The following FOXK1 variants were observed in gnomAD, a reference collection of about 807,000 sequenced individuals.
The protein encoded by FOXK1 is forkhead box K1, also known as forkhead box protein K1.
A neutral mutation model predicts 51.9 loss-of-function variants in FOXK1; 19 were observed. That is an observed-to-expected ratio of 0.37 (90% CI 0.26 to 0.54). The LOEUF (loss-of-function observed/expected upper bound fraction) is 0.54, where lower values mean the gene tolerates loss of function less well. Ranked by LOEUF, FOXK1 falls within the 20% of genes least tolerant of loss-of-function variation. The probability of loss-of-function intolerance (pLI) is 0.87; values close to 1 mark genes in which losing one functional copy is unlikely to be tolerated. For missense variants in FOXK1, 870 were observed against 1,032.7 expected, an observed-to-expected ratio of 0.84 and a Z score of 2.16; for synonymous variants, 537 against 482.6, an observed-to-expected ratio of 1.11 and a Z score of -1.48.
Position 4,730,377 on chromosome 7 carries a change from T to C in FOXK1, c.561-10461T>C, listed in dbSNP as rs1780434631. On this transcript the variant is annotated intron_variant, in intron 1 of 8. Transcript: ENST00000328914. The surrounding 1 kb of genome is among the most constrained non-coding windows in gnomAD (Gnocchi z 4.7). ...ACCCTGCTACCCAGCTTGCCACCGCTGTCAGCCGTGGGGTTCAGGAGAACA... is the reference window on the plus strand; with the variant it reads ...ACCCTGCTACCCAGCTTGCCACCGCCGTCAGCCGTGGGGTTCAGGAGAACA... Among the ~76,000 whole-genome samples the C allele has an allele frequency of 6.6e-6, 1 of 152,176 alleles. No homozygotes were observed. Among genetic ancestry groups the C allele is most frequent in the African/African-American group, 2.4e-5 (1 of 41,452 alleles).
intron 1 of FOXK1, among the ~76,000 whole-genome samples, chr7:4,695,735 G>A (rs755422806): frequency 3.9e-5 from 6 of 152,118 alleles, no homozygotes; most frequent in South Asian, 2.1e-4. Flanking sequence ...TCGGGAGTTC[G>A]AGACCAGCCT....
Position 4,764,370 on chromosome 7 carries a change from A to C in FOXK1, c.*1906A>C, listed in dbSNP as rs1358901989. Reference sequence around the variant, plus strand: ...TCCATGGGAAATAAGCTCTTTGTGGAAGTCCGTACCTGTTGCCCTGGGTGA... The same window carrying C: ...TCCATGGGAAATAAGCTCTTTGTGGCAGTCCGTACCTGTTGCCCTGGGTGA... On this transcript the variant is annotated 3_prime_UTR_variant, in exon 9 of 9. Transcript: ENST00000328914. 4 of 154,420 alleles carry C rather than the reference A, an allele frequency of 2.6e-5. No homozygotes were observed. In the East Asian group the frequency reaches 7.7e-4, roughly 30 times the overall value. The allele number at this position is 154,420 out of a possible 1,614,324, so 9.6% of individuals were successfully genotyped here.
At chr7:4,726,493 G>C (rs756423726) in intron 1 of FOXK1, among the ~76,000 whole-genome samples, 11 of 152,158 alleles carry the variant, frequency 7.2e-5, no homozygotes, top group Non-Finnish European at 1.2e-4. Context: ...ACAGTGGCAC[G>C]TGCCTGTAGT....
At position 4,730,512 on chromosome 7, in the gene FOXK1, C is replaced by T. The variant is rs1780436698; in HGVS notation, c.561-10326C>T. On this transcript the variant is annotated intron_variant, in intron 1 of 8. Transcript: ENST00000328914. The surrounding 1 kb of genome is among the most constrained non-coding windows in gnomAD (Gnocchi z 4.7). ...GGTTTGCAGGCACCAGTGCTGGTTCCGTGTCTGTCGGGGAGGGGATGGACG... is the reference window on the plus strand; with the variant it reads ...GGTTTGCAGGCACCAGTGCTGGTTCTGTGTCTGTCGGGGAGGGGATGGACG... Among the ~76,000 whole-genome samples the T allele has an allele frequency of 6.6e-6, 1 of 152,176 alleles. No individual in the cohort carries two copies. Among genetic ancestry groups the T allele is most frequent in the African/African-American group, 2.4e-5 (1 of 41,446 alleles).
intron 1 of FOXK1, among the ~76,000 whole-genome samples, chr7:4,736,388 T>C (rs991201573): frequency 6.6e-6 from 1 of 152,008 alleles, no homozygotes; most frequent in East Asian, 1.9e-4. Flanking sequence ...TCAATACATA[T>C]GTACATATCA....
intron 1 of FOXK1, among the ~76,000 whole-genome samples, chr7:4,687,974 C>T (rs180818841): frequency 6.6e-6 from 1 of 152,272 alleles, no homozygotes; most frequent in East Asian, 1.9e-4. Flanking sequence ...TCAAACGATC[C>T]TCCCACCTTG....
intron 1 of FOXK1, among the ~76,000 whole-genome samples, chr7:4,727,318 T>C (rs951560475): frequency 6.6e-6 from 1 of 152,100 alleles, no homozygotes; most frequent in African/African-American, 2.4e-5. Flanking sequence ...TTAAATTTTA[T>C]TTGTTTATTT....
Position 4,707,487 on chromosome 7 carries a change from G to A in FOXK1, c.560+24619G>A, listed in dbSNP as rs539276678. On this transcript the variant is annotated intron_variant, in intron 1 of 8. Transcript: ENST00000328914. The surrounding 1 kb of genome is among the most constrained non-coding windows in gnomAD (Gnocchi z 4.1). ...CCAGTTTCCCCAAATGGATAATTTC[G>A]CCTTGGTAGTGTTAAGATGTATTTA... is the stretch of plus-strand genomic sequence containing the variant. 5.3e-5 allele frequency among the ~76,000 whole-genome samples: 8 copies of A among 152,232 alleles called. No homozygotes were observed. In the East Asian group the frequency reaches 1.5e-3, roughly 29 times the overall value.
rs767379360 is a variant in FOXK1 at position 4,762,154 on chromosome 7, C to T, written c.1922-30C>T. 61 of 1,533,770 alleles carry T rather than the reference C, an allele frequency of 4.0e-5. No homozygotes were observed. The highest frequency in any genetic ancestry group is 5.3e-5 in the Non-Finnish European group (60 of 1,134,430). ...AAGCAGCTGGGTCCTAACCAGACCC[C>T]AGAGTAACCCTCTTCTTCCTCCACT... is the stretch of plus-strand genomic sequence containing the variant. On this transcript the variant is annotated intron_variant, in intron 8 of 8. Coordinates refer to ENST00000328914, the MANE Select transcript of FOXK1 (RefSeq NM_001037165.2). This position sits in a 1 kb window ranked among gnomAD's most constrained non-coding sequence, Gnocchi z 5.7.
intron 1 of FOXK1, among the ~76,000 whole-genome samples, chr7:4,685,244 G>A (rs954677856): frequency 1.2e-4 from 10 of 82,302 alleles, no homozygotes; most frequent in African/African-American, 4.3e-4. Context: ...TTTTTTTTCT[G>A]TCATGGAGTC....
rs1408316407 is a variant in FOXK1 at position 4,763,109 on chromosome 7, T to C, written c.*645T>C. ...AGACAGACACAAAAGGGATCATGTA[T>C]TTTTGAGGATTTTACCTGTTGACGT... On this transcript the variant is annotated 3_prime_UTR_variant, in exon 9 of 9. Transcript: ENST00000328914. The C allele has an allele frequency of 6.5e-6, 1 of 152,734 alleles. No homozygotes were observed. The highest frequency in any genetic ancestry group is 6.5e-5 in the Admixed American group (1 of 15,306). The allele number at this position is 152,734 out of a possible 1,614,324, so 9.5% of individuals were successfully genotyped here.
intron 1 of FOXK1, among the ~76,000 whole-genome samples, chr7:4,704,697 C>G (rs1181819800): frequency 6.6e-6 from 1 of 151,980 alleles, no homozygotes; most frequent in African/African-American, 2.4e-5. Context: ...GCTCGGATCA[C>G]GGGCCCATCT....
Position 4,747,981 on chromosome 7 carries a change from A to G in FOXK1, c.747-6478A>G, listed in dbSNP as rs9690101. On this transcript the variant is annotated intron_variant, in intron 2 of 8. Transcript: ENST00000328914. This position sits in a 1 kb window ranked among gnomAD's most constrained non-coding sequence, Gnocchi z 9.2. ...CCACCTCAGCCGTGACTACAGGAGC[A>G]ATCCACTAGTTAATTTTTAAAAATA... Among the ~76,000 whole-genome samples the G allele has an allele frequency of 0.67, 102,102 of 152,126 alleles. 35,984 individuals carry two copies. The highest frequency in any genetic ancestry group is 0.89 in the African/African-American group (36,982 of 41,516).
At chr7:4,691,751 C>T (rs1413884688) in intron 1 of FOXK1, among the ~76,000 whole-genome samples, 1 of 152,168 alleles carries the variant, frequency 6.6e-6, no homozygotes, top group South Asian at 2.1e-4. Context: ...GGACGCTGAG[C>T]TCTGATCATG....
In FOXK1 at chr7:4,705,546, T is replaced by TCGCTCTCG. The variant is rs1359587049; in HGVS notation, c.560+22679_560+22680insGCTCTCGC. ...CTCTCTCTCTCTCTCTCTCTCTCTC[T>TCGCTCTCG]CTCTCTCTCTCTCGCTCTCGCTCTC... On this transcript the variant is annotated intron_variant, in intron 1 of 8. Transcript: ENST00000328914. Among the ~76,000 whole-genome samples the TCGCTCTCG allele has an allele frequency of 7.9e-3, 992 of 125,152 alleles. 11 individuals are homozygous for TCGCTCTCG. The highest frequency in any genetic ancestry group is 0.031 in the African/African-American group (963 of 30,608). The allele number at this position is 125,152 out of a possible 152,430, so 82.1% of individuals were successfully genotyped here.
chr7:4,705,225 GT>G (rs1278398347), intron 1 of FOXK1, among the ~76,000 whole-genome samples: 4 of 151,944 alleles, frequency 2.6e-5, no homozygotes, highest in Non-Finnish European at 4.4e-5. Flanking sequence ...ATCTCACTCT[GT>G]TACCCAGGCT....
intron 1 of FOXK1, among the ~76,000 whole-genome samples, chr7:4,721,991 G>A (rs144414902): frequency 1.1e-4 from 16 of 152,348 alleles, no homozygotes; most frequent in African/African-American, 2.4e-4. Flanking sequence ...GCGCACAGCC[G>A]TGTTACTTTC....
At position 4,767,127 on chromosome 7, in the gene FOXK1, G is replaced by C. The variant is rs1054544482; in HGVS notation, c.*4663G>C. The C allele has an allele frequency of 1.3e-5, 2 of 152,220 alleles. No homozygotes were observed. The highest frequency in any genetic ancestry group is 2.9e-5 in the Non-Finnish European group (2 of 68,054). 9.4% of individuals were successfully genotyped at this position (152,220 alleles called of 1,614,324 possible). A position where few individuals can be genotyped will look rare whatever the true frequency, so the allele number is the denominator to read the frequency against. ...TTTGCCCTTGAGTGACTTCATGCGG[G>C]ATGAGGAACTGTTGACCCCTCTAGA... On this transcript the variant is annotated 3_prime_UTR_variant, in exon 9 of 9. Coordinates refer to ENST00000328914, the MANE Select transcript of FOXK1 (RefSeq NM_001037165.2). This position sits in a 1 kb window ranked among gnomAD's most constrained non-coding sequence, Gnocchi z 6.6.
intron 1 of FOXK1, among the ~76,000 whole-genome samples, chr7:4,726,983 C>T (rs1780389105): frequency 6.6e-6 from 1 of 152,086 alleles, no homozygotes; most frequent in Non-Finnish European, 1.5e-5. Context: ...CTTGCTCTGT[C>T]ACCCAGGTTG....
Sources: allele counts gnomAD v4.1 joint callset (sites outside exome capture counted in the v4.1 genomes callset), GRCh38; gene constraint gnomAD v4.1.1; non-coding constraint Gnocchi (gnomAD v3.1); transcripts MANE v1.5; gene names NCBI Gene and HGNC (gene_info 2026-07-23, HGNC 2026-07-21).